The following IKZF4 variants were observed in gnomAD, a reference collection of about 807,000 sequenced individuals.
IKZF4 encodes IKAROS family zinc finger 4.
Under a neutral mutation model 47.7 loss-of-function variants are expected in IKZF4, and 11 were observed. That is an observed-to-expected ratio of 0.23 (90% CI 0.15 to 0.38). IKZF4 has a LOEUF of 0.38. IKZF4 is among the 10% of genes least tolerant of loss of function. The pLI is 1.00. For missense variants in IKZF4, 557 were observed against 784.9 expected, an observed-to-expected ratio of 0.71 and a Z score of 3.47; for synonymous variants, 298 against 299.4, an observed-to-expected ratio of 1.00 and a Z score of 0.05.
At chr12:56,034,222 A>T (rs1258024457) in intron 7 of IKZF4, among the ~76,000 whole-genome samples, 1 of 152,186 alleles carries the variant, frequency 6.6e-6, no homozygotes, top group East Asian at 1.9e-4. Flanking sequence ...AGTTTTTAAG[A>T]ATAACAAGAA....
At chr12:56,012,138 C>G (rs968906677) in intron 2 of IKZF4, among the ~76,000 whole-genome samples, 2 of 152,122 alleles carry the variant, frequency 1.3e-5, no homozygotes, top group Non-Finnish European at 2.9e-5. Context: ...CTACTTCTGC[C>G]TGTTATAGTT....
rs553609812 is a variant in IKZF4, at chr12:56,034,911, G to A, written c.1338G>A (p.Gly446=). 6.3e-7 allele frequency: 1 copy of A among 1,599,882 alleles called. No individual in the cohort carries two copies. The highest frequency in any genetic ancestry group is 8.5e-7 in the Non-Finnish European group (1 of 1,171,314). Residue 446 remains glycine (G), a synonymous_variant, in exon 8 of 8, where the codon GGG becomes GGA. Transcript: ENST00000547167. Reference sequence around the variant, plus strand: ...CCCGAGGCCCCCTGACTGACCCTGGGGCATCCCCCAGCAATGGCTGCCAGG... The same window carrying A: ...CCCGAGGCCCCCTGACTGACCCTGGAGCATCCCCCAGCAATGGCTGCCAGG... ...YRPRGPLTDP[G]ASPSNGCQDS...
chr12:56,022,050 T>A (rs1893103557), intron 1 of IKZF4, among the ~76,000 whole-genome samples: 1 of 152,070 alleles, frequency 6.6e-6, no homozygotes, highest in Admixed American at 6.6e-5. Context: ...TACCCACTAT[T>A]CCCTGCTAGC....
intron 1 of IKZF4, among the ~76,000 whole-genome samples, chr12:56,009,426 T>C (rs1592848543): frequency 6.6e-6 from 1 of 152,230 alleles, no homozygotes; most frequent in Admixed American, 6.5e-5. Context: ...CACCTCCCCA[T>C]GGACCTGCCA....
At chr12:56,014,167 A>AG (rs1221695781) in intron 2 of IKZF4, among the ~76,000 whole-genome samples, 2 of 151,180 alleles carry the variant, frequency 1.3e-5, no homozygotes, top group African/African-American at 2.5e-5. Context: ...AAAAAAAAAA[A>AG]AAAAGAAAAG....
At chr12:56,034,346 A>T (rs1895393293) in intron 7 of IKZF4, among the ~76,000 whole-genome samples, 1 of 152,162 alleles carries the variant, frequency 6.6e-6, no homozygotes, top group African/African-American at 2.4e-5. Flanking sequence ...ATGGAGAGTA[A>T]TAAAATGAAG....
chr12:56,031,961 GA>G (rs1405189007), intron 5 of IKZF4, among the ~76,000 whole-genome samples: 1 of 152,082 alleles, frequency 6.6e-6, no homozygotes, highest in Non-Finnish European at 1.5e-5. Flanking sequence ...GAGAGACAGA[GA>G]GACAAAATAA....
upstream of IKZF4, among the ~76,000 whole-genome samples, chr12:56,016,829 G>A (rs1892144576): frequency 6.6e-6 from 1 of 151,948 alleles, no homozygotes; most frequent in Non-Finnish European, 1.5e-5. Flanking sequence ...CCTGACCTGA[G>A]GTGATCCGCC....
chr12:56,012,052 G>A lies in IKZF4; in HGVS notation c.-214+558G>A, dbSNP rs181800600. ...GAATGGCTCATACCCAAGGCACATGGGAAGTTCTGTCTTGTTAATAACTAC... is the reference window on the plus strand; with the variant it reads ...GAATGGCTCATACCCAAGGCACATGAGAAGTTCTGTCTTGTTAATAACTAC... On this transcript the variant is annotated intron_variant, in intron 2 of 11. Coordinates refer to the IKZF4 transcript ENST00000262032. Among the ~76,000 whole-genome samples the A allele has an allele frequency of 1.2e-3, 180 of 152,126 alleles. 1 individual carries two copies. The highest frequency in any genetic ancestry group is 1.5e-3 in the Non-Finnish European group (105 of 67,998).
chr12:56,028,217 T>TAGG (rs1894333004), intron 5 of IKZF4, among the ~76,000 whole-genome samples: 2 of 151,986 alleles, frequency 1.3e-5, no homozygotes, highest in South Asian at 4.2e-4. Flanking sequence ...ATAGGAGCAA[T>TAGG]GTTCTTGGCT....
intron 3 of IKZF4, 92 bp from the exon 4 acceptor site, chr12:56,026,689 C>G: frequency 2.1e-6 from 2 of 932,230 alleles, no homozygotes; most frequent in Non-Finnish European, 2.7e-6. Context: ...AATTCCATCT[C>G]AAAAAAAAAA....
At chr12:56,032,932 G>T (rs1327123521) in intron 6 of IKZF4, among the ~76,000 whole-genome samples, 1 of 152,166 alleles carries the variant, frequency 6.6e-6, no homozygotes, top group Non-Finnish European at 1.5e-5. Flanking sequence ...GGGGAAGTTT[G>T]GGTCTATATC....
rs771892579 is a variant in IKZF4, at chr12:56,034,721, C to A, written c.1148C>A (p.Pro383His). ...TTTGTGGGTGCAGAGCATCTGCGTCCCCTCCGCCTTCCACCCACCAATTGC... is the reference window on the plus strand; with the variant it reads ...TTTGTGGGTGCAGAGCATCTGCGTCACCTCCGCCTTCCACCCACCAATTGC... ...LAFVGAEHLR[P>H]LRLPPTNCIS... Residue 383 changes from proline (P) to histidine (H), a missense_variant, in exon 8 of 8, where the codon CCC becomes CAC. Coordinates refer to ENST00000547167, the MANE Select transcript of IKZF4 (RefSeq NM_022465.4). The A allele has an allele frequency of 1.2e-5, 20 of 1,614,028 alleles. No individual in the cohort carries two copies. Among genetic ancestry groups the A allele is most frequent in the Non-Finnish European group, 1.7e-5 (20 of 1,179,890 alleles).
chr12:56,035,703 C>A lies in IKZF4; in HGVS notation c.*372C>A, dbSNP rs1895581795. 1 of 180,666 alleles carries A rather than the reference C, an allele frequency of 5.5e-6. No individual in the cohort carries two copies. Among genetic ancestry groups the A allele is most frequent in the Non-Finnish European group, 1.2e-5 (1 of 85,220 alleles). 11.2% of individuals were successfully genotyped at this position (180,666 alleles called of 1,614,324 possible). On this transcript the variant is annotated 3_prime_UTR_variant, in exon 8 of 8. Coordinates refer to ENST00000547167, the MANE Select transcript of IKZF4 (RefSeq NM_022465.4). This position sits in a 1 kb window ranked among gnomAD's most constrained non-coding sequence, Gnocchi z 6.1. ...TTAGGCCAATTTTTCTCTCTTAGAT[C>A]TTCCAGCAGCCCCAGGGGTAGGAAG...
intron 2 of IKZF4, among the ~76,000 whole-genome samples, chr12:56,024,211 T>A (rs1893566689): frequency 6.6e-6 from 1 of 152,228 alleles, no homozygotes; most frequent in Admixed American, 6.5e-5. Context: ...AATAAGTTGA[T>A]CACTTAACTG....
rs1209796800 is a variant in IKZF4, at chr12:56,027,054, G to T, written c.547+13G>T. 2.0e-6 allele frequency: 3 copies of T among 1,497,112 alleles called. No individual in the cohort carries two copies. The highest frequency in any genetic ancestry group is 4.5e-5 in the Admixed American group (2 of 44,870). 92.7% of individuals were successfully genotyped at this position (1,497,112 alleles called of 1,614,324 possible). ...CGCAGTCACACTGGTAAGTAAGCCAGAGGGGCTCTGGGAGGAGCTCCCAGG... is the reference window on the plus strand; with the variant it reads ...CGCAGTCACACTGGTAAGTAAGCCATAGGGGCTCTGGGAGGAGCTCCCAGG... On this transcript the variant is annotated intron_variant, in intron 4 of 7. Transcript: ENST00000547167.
At chr12:56,018,909 C>A (rs1466344468), upstream of IKZF4, among the ~76,000 whole-genome samples, 2 of 151,124 alleles carry the variant, frequency 1.3e-5, no homozygotes, top group Admixed American at 1.3e-4. Flanking sequence ...ATGGTGAAAC[C>A]CCCTCTCTAC....
At chr12:56,026,611 T>C (rs4759239) in intron 3 of IKZF4, among the ~76,000 whole-genome samples, 170 bp from the exon 4 acceptor site, 115,148 of 150,408 alleles carry the variant, frequency 0.77, 48,646 homozygotes, top group East Asian at 1. Context: ...ATCACTTGAA[T>C]CTGGGAGGTG....
rs1248410793 is a variant in IKZF4 at position 56,027,784 on chromosome 12, A to G, written c.552A>G (p.Glu184=). ...GATTTGTTCTTTCACTTGCAGGTGA[A>G]AGGCCCTTCCATTGCAACCAGTGTG... The part of the protein sequence containing the change: ...LMVHKRSHTG[E]RPFHCNQCGA... Residue 184 remains glutamate, a synonymous_variant, in exon 5 of 8, where the codon GAA becomes GAG. Transcript: ENST00000547167. The G allele has an allele frequency of 1.2e-6, 2 of 1,612,568 alleles. No individual in the cohort carries two copies. Among genetic ancestry groups the G allele is most frequent in the Non-Finnish European group, 1.7e-6 (2 of 1,179,304 alleles).
Sources: gnomAD v4.1 joint callset for allele counts (sites outside exome capture counted in the v4.1 genomes callset) on GRCh38, gnomAD v4.1.1 for gene constraint, Gnocchi (gnomAD v3.1) non-coding constraint, MANE v1.5 for transcripts, NCBI Gene and HGNC (gene_info 2026-07-23, HGNC 2026-07-21) for gene names.